Variants in PTPRQ observed in about 807,000 individuals in gnomAD.
PTPRQ encodes the protein protein tyrosine phosphatase receptor type Q, also known as phosphatidylinositol phosphatase PTPRQ.
PTPRQ carries 199 observed loss-of-function variants against 246.0 expected under a neutral mutation model. The observed-to-expected ratio is 0.81, with a 90% CI of 0.72 to 0.91. The LOEUF is 0.91. Among genes scored for constraint, PTPRQ ranks in the 40% least tolerant of loss-of-function variants. The probability of loss-of-function intolerance (pLI) is 0.00; values close to 1 mark genes in which losing one functional copy is unlikely to be tolerated. For missense variants in PTPRQ, 2,624 were observed against 2,528.4 expected (o/e 1.04, Z -0.81); for synonymous variants, 869 against 853.2 (o/e 1.02, Z -0.32).
At chr12:80,549,852 A>G in intron 25 of PTPRQ, 118 bp downstream of exon 25, 1 of 1,354,266 alleles carries the variant, frequency 7.4e-7, no homozygotes, top group Non-Finnish European at 9.8e-7. Context: ...ATATTAAAAA[A>G]TACAACACAG....
intron 12 of PTPRQ, 39 bp from the exon 13 acceptor site, chr12:80,495,960 T>G: frequency 6.5e-7 from 1 of 1,534,882 alleles, no homozygotes; most frequent in Non-Finnish European, 8.8e-7. Flanking sequence ...AAGAGTATTA[T>G]TTTAAGGACA....
chr12:80,462,095 A>T lies in PTPRQ; in HGVS notation c.910+1193A>T. On this transcript the variant is annotated intron_variant, in intron 6 of 44. Coordinates refer to ENST00000644991, the MANE Select transcript of PTPRQ (RefSeq NM_001145026.2). ...ACTTGGGGAGCACAAGGGGTCAGGG[A>T]GTTCCCTTTCCTAGTCAAAGAAAGG... is the stretch of plus-strand genomic sequence containing the variant. 6.6e-6 allele frequency: 4 copies of T among 608,810 alleles called. No homozygotes were observed. The East Asian group carries it at 1.1e-4, about 17-fold the overall frequency. 37.7% of individuals were successfully genotyped at this position (608,810 alleles called of 1,614,324 possible).
chr12:80,592,964 T>C (rs1465744687), intron 26 of PTPRQ, among the ~76,000 whole-genome samples: 2 of 152,264 alleles, frequency 1.3e-5, no homozygotes, highest in East Asian at 3.9e-4. Flanking sequence ...TGAGCCAAGA[T>C]TGTGCCACTG....
At position 80,596,929 on chromosome 12, in the gene PTPRQ, G is replaced by A. The variant is rs565058862; in HGVS notation, c.4610-8130G>A. Among the ~76,000 whole-genome samples the A allele has an allele frequency of 1.4e-3, 213 of 152,054 alleles. 1 individual carries two copies. Among genetic ancestry groups the A allele is most frequent in the African/African-American group, 4.9e-3 (202 of 41,494 alleles). On this transcript the variant is annotated intron_variant, in intron 26 of 44. Transcript: ENST00000644991. ...CTTACTGTGTGTTTGCTATGTGCTG[G>A]TACTATTCTAAGTACTTAAAACATT...
intron 14 of PTPRQ, among the ~76,000 whole-genome samples, chr12:80,501,458 GT>G (rs1894796712): frequency 6.6e-6 from 1 of 151,908 alleles, no homozygotes; most frequent in South Asian, 2.1e-4. Context: ...TTTGCAACAT[GT>G]TTGAAATATC....
chr12:80,564,611 A>G (rs1358933220), intron 25 of PTPRQ, among the ~76,000 whole-genome samples: 1 of 152,242 alleles, frequency 6.6e-6, no homozygotes, highest in Non-Finnish European at 1.5e-5. Context: ...TTCTTGTGCT[A>G]TTAAAGTTTA....
chr12:80,472,311 T>C (rs1362246154), intron 8 of PTPRQ, 60 bp downstream of exon 8: 4 of 1,523,940 alleles, frequency 2.6e-6, no homozygotes, highest in Admixed American at 4.6e-5. Flanking sequence ...CATGAATTGG[T>C]AAAACATGAT....
chr12:80,453,214 C>T (rs1892836515), intron 3 of PTPRQ, among the ~76,000 whole-genome samples: 1 of 152,188 alleles, frequency 6.6e-6, no homozygotes, highest in African/African-American at 2.4e-5. Flanking sequence ...CTTTCAGCTC[C>T]ATCAGCTCCT....
intron 26 of PTPRQ, among the ~76,000 whole-genome samples, chr12:80,604,268 C>A (rs1187458674): frequency 6.6e-6 from 1 of 151,488 alleles, no homozygotes; most frequent in East Asian, 1.9e-4. Context: ...CAGCAGTGTT[C>A]TTAGGTTAAT....
At chr12:80,498,311 A>G (rs1255622568) in intron 14 of PTPRQ, among the ~76,000 whole-genome samples, 1 of 152,108 alleles carries the variant, frequency 6.6e-6, no homozygotes. Flanking sequence ...TGTCTTTTAA[A>G]AATTCTAAAC....
chr12:80,666,833 A>T (rs570840596), intron 39 of PTPRQ, among the ~76,000 whole-genome samples: 1 of 152,102 alleles, frequency 6.6e-6, no homozygotes, highest in South Asian at 2.1e-4. Flanking sequence ...TTTTGCCTTC[A>T]AAATGTATCC....
intron 7 of PTPRQ, among the ~76,000 whole-genome samples, 185 bp from the exon 8 acceptor site, chr12:80,471,920 C>A (rs1893650730): frequency 6.6e-6 from 1 of 152,052 alleles, no homozygotes; most frequent in African/African-American, 2.4e-5. Context: ...CATTTATTTT[C>A]ATTAAATTGA....
Position 80,552,124 on chromosome 12 carries a change from C to T in PTPRQ, c.4285+2390C>T, listed in dbSNP as rs146097959. On this transcript the variant is annotated intron_variant, in intron 25 of 44. Transcript: ENST00000644991. ...ACTTAAGAATCTCTCTAGGTAATTC[C>T]GATATTCTGTATGTATTGGAGAGTA... Among the ~76,000 whole-genome samples the T allele has an allele frequency of 9.9e-5, 15 of 152,060 alleles. 1 individual carries two copies. Among genetic ancestry groups the T allele is most frequent in the African/African-American group, 3.4e-4 (14 of 41,466 alleles).
chr12:80,610,713 T>C, intron 28 of PTPRQ, 88 bp downstream of exon 28: 1 of 1,462,144 alleles, frequency 6.8e-7, no homozygotes. Context: ...AAAAAGGATA[T>C]GTGTTATGAG....
chr12:80,503,481 T>A (rs939190733), intron 14 of PTPRQ, among the ~76,000 whole-genome samples: 12 of 151,870 alleles, frequency 7.9e-5, no homozygotes, highest in Non-Finnish European at 1.5e-5. Context: ...GGAGGGACAC[T>A]GTATCTACAT....
intron 17 of PTPRQ, among the ~76,000 whole-genome samples, chr12:80,520,858 T>C (rs1188872249): frequency 2.0e-5 from 3 of 152,048 alleles, no homozygotes; most frequent in African/African-American, 7.2e-5. Flanking sequence ...TGTTTTATAA[T>C]CCTTTGGGTA....
chr12:80,623,884 G>A (rs781747953), intron 33 of PTPRQ, among the ~76,000 whole-genome samples: 12 of 152,068 alleles, frequency 7.9e-5, no homozygotes, highest in Non-Finnish European at 1.3e-4. Context: ...CAGTGCACAG[G>A]AGCATGATTC....
At chr12:80,578,779 T>G (rs1240016078) in intron 25 of PTPRQ, among the ~76,000 whole-genome samples, 1 of 152,192 alleles carries the variant, frequency 6.6e-6, no homozygotes, top group Non-Finnish European at 1.5e-5. Context: ...GTACCCTCTT[T>G]ATGGGTTTTT....
In PTPRQ at chr12:80,535,217, C is replaced by G. The variant is rs557550478; in HGVS notation, c.2985+180C>G. Reference sequence around the variant, plus strand: ...TAGAAATGTCAGATACATTTAATCTCTCTTTACAGACACACACACACACAC... The same window carrying G: ...TAGAAATGTCAGATACATTTAATCTGTCTTTACAGACACACACACACACAC... On this transcript the variant is annotated intron_variant, in intron 19 of 44. Coordinates refer to ENST00000644991, the MANE Select transcript of PTPRQ (RefSeq NM_001145026.2). Among the ~76,000 whole-genome samples the G allele has an allele frequency of 0.053, 3,134 of 59,158 alleles. 105 individuals carry two copies. Among genetic ancestry groups the G allele is most frequent in the African/African-American group, 0.18 (2,916 of 16,340 alleles). The allele number at this position is 59,158 out of a possible 152,430, so 38.8% of individuals were successfully genotyped here.
Sources: gnomAD v4.1 joint callset for allele counts (sites outside exome capture counted in the v4.1 genomes callset) on GRCh38, gnomAD v4.1.1 for gene constraint, MANE v1.5 for transcripts, NCBI Gene and HGNC (gene_info 2026-07-23, HGNC 2026-07-21) for gene names.